C8orf34: variants seen among roughly 807,000 people sequenced by gnomAD.
The protein encoded by C8orf34 is chromosome 8 open reading frame 34.
Under a neutral mutation model 68.3 loss-of-function variants are expected in C8orf34, and 65 were observed. That is an observed-to-expected ratio of 0.95 (90% CI 0.78 to 1.17). The LOEUF (loss-of-function observed/expected upper bound fraction) is 1.17, where lower values mean the gene tolerates loss of function less well. C8orf34 is among the 50% of genes most tolerant of loss of function. The probability of loss-of-function intolerance (pLI) is 0.00; values close to 1 mark genes in which losing one functional copy is unlikely to be tolerated. For missense variants in C8orf34, 664 were observed against 655.4 expected (o/e 1.01, Z -0.14); for synonymous variants, 244 against 241.2 (o/e 1.01, Z -0.11).
intron 10 of C8orf34, among the ~76,000 whole-genome samples, chr8:68,761,586 A>G (rs549679962): frequency 6.6e-6 from 1 of 152,334 alleles, no homozygotes; most frequent in Admixed American, 6.5e-5. Flanking sequence ...TGAAAAATAA[A>G]TAACTTCTTC....
At chr8:68,522,649 T>C (rs1322918365) in intron 6 of C8orf34, among the ~76,000 whole-genome samples, 1 of 152,162 alleles carries the variant, frequency 6.6e-6, no homozygotes, top group East Asian at 1.9e-4. Context: ...ATCTTATTTA[T>C]TGGAAAAACT....
intron 1 of C8orf34, among the ~76,000 whole-genome samples, chr8:68,422,088 G>A (rs1810002824): frequency 1.3e-5 from 2 of 152,090 alleles, no homozygotes; most frequent in Non-Finnish European, 2.9e-5. Context: ...ATTTGGGTGG[G>A]GACACAGAGC....
At chr8:68,725,728 G>A (rs1273694272) in intron 10 of C8orf34, among the ~76,000 whole-genome samples, 1 of 152,076 alleles carries the variant, frequency 6.6e-6, no homozygotes, top group Non-Finnish European at 1.5e-5. Context: ...GACAGGGCAG[G>A]ACAAAAACTC....
At chr8:68,710,608 C>T (rs949413551) in intron 9 of C8orf34, among the ~76,000 whole-genome samples, 2 of 152,146 alleles carry the variant, frequency 1.3e-5, no homozygotes, top group African/African-American at 4.8e-5. Context: ...CCCCATCCAC[C>T]ACAGCAGAAA....
chr8:68,355,232 C>T (rs1382954957), intron 1 of C8orf34, among the ~76,000 whole-genome samples: 1 of 152,012 alleles, frequency 6.6e-6, no homozygotes, highest in East Asian at 1.9e-4. Context: ...GTATAACCCC[C>T]CTGCCCCACC....
intron 2 of C8orf34, among the ~76,000 whole-genome samples, chr8:68,443,857 T>G (rs1282138449): frequency 3.9e-5 from 6 of 152,206 alleles, no homozygotes; most frequent in Non-Finnish European, 8.8e-5. Context: ...GTCTATCATT[T>G]AATATTGTGG....
At chr8:68,634,182 G>A (rs1387626829) in intron 7 of C8orf34, among the ~76,000 whole-genome samples, 1 of 152,140 alleles carries the variant, frequency 6.6e-6, no homozygotes, top group Non-Finnish European at 1.5e-5. Context: ...TTTTGTCCTT[G>A]ATGATAAGAA....
chr8:68,654,207 A>C (rs1166671125), intron 8 of C8orf34, among the ~76,000 whole-genome samples: 2 of 152,112 alleles, frequency 1.3e-5, no homozygotes, highest in African/African-American at 2.4e-5. Flanking sequence ...TCTATAAGGA[A>C]CAGAACATCA....
intron 8 of C8orf34, among the ~76,000 whole-genome samples, chr8:68,671,999 A>G (rs1820026933): frequency 6.6e-6 from 1 of 152,218 alleles, no homozygotes; most frequent in South Asian, 2.1e-4. Context: ...AGACAGATTA[A>G]CAAGAGGAAA....
rs192977161 is a variant in C8orf34 at position 68,498,325 on chromosome 8, T to A, written c.765+10274T>A. On this transcript the variant is annotated intron_variant, in intron 5 of 13. Coordinates refer to ENST00000518698, the MANE Select transcript of C8orf34 (RefSeq NM_052958.4). ...ATAGAAGCTTGCCCTCTTAGAATTTTGAATATTTGACTTTGGAACAACTTA... is the reference window on the plus strand; with the variant it reads ...ATAGAAGCTTGCCCTCTTAGAATTTAGAATATTTGACTTTGGAACAACTTA... 1.2e-3 allele frequency among the ~76,000 whole-genome samples: 180 copies of A among 152,350 alleles called. 6 individuals carry two copies. Among genetic ancestry groups the A allele is most frequent in the South Asian group, 3.7e-3 (18 of 4,826 alleles).
At chr8:68,533,308 T>A in intron 7 of C8orf34, 159 bp downstream of exon 7, 1 of 1,376,936 alleles carries the variant, frequency 7.3e-7, no homozygotes, top group Non-Finnish European at 9.3e-7. Context: ...TAAAGTTGCA[T>A]GTAAGAACTA....
At chr8:68,701,526 C>T (rs980564592) in intron 8 of C8orf34, among the ~76,000 whole-genome samples, 8 of 151,454 alleles carry the variant, frequency 5.3e-5, no homozygotes, top group Admixed American at 2.0e-4. Context: ...TTTTTTTCCC[C>T]GCTCTTTCAC....
chr8:68,714,395 A>G (rs1436462421), intron 9 of C8orf34, among the ~76,000 whole-genome samples: 1 of 152,150 alleles, frequency 6.6e-6, no homozygotes, highest in Non-Finnish European at 1.5e-5. Context: ...CTCATCCAAA[A>G]AGCTCCTAGA....
At chr8:68,474,762 G>A (rs1812530222) in intron 4 of C8orf34, among the ~76,000 whole-genome samples, 1 of 152,232 alleles carries the variant, frequency 6.6e-6, no homozygotes, top group Admixed American at 6.5e-5. Flanking sequence ...GAAAGAGCCT[G>A]TAAAAGATCA....
intron 1 of C8orf34, among the ~76,000 whole-genome samples, chr8:68,422,560 A>G (rs1350868337): frequency 6.6e-6 from 1 of 152,130 alleles, no homozygotes; most frequent in African/African-American, 2.4e-5. Context: ...AGCTGCTTTC[A>G]CAGGCTGGTG....
At position 68,721,386 on chromosome 8, in the gene C8orf34, A is replaced by G. The variant is rs145269861; in HGVS notation, c.1353A>G (p.Ala451=). 371 of 1,609,128 alleles carry G rather than the reference A, an allele frequency of 2.3e-4. 1 individual carries two copies. The highest frequency in any genetic ancestry group is 2.2e-3 in the Admixed American group (133 of 59,932). Residue 451 remains alanine (A), a synonymous_variant, in exon 10 of 14, where the codon GCA becomes GCG. Coordinates refer to ENST00000518698, the MANE Select transcript of C8orf34 (RefSeq NM_052958.4). ...ATTCCTTGCCTGGGACTGAAGAAGC[A>G]CTAATGGAGGAGGGTGACGAATTTG... is the stretch of plus-strand genomic sequence containing the variant. ...SFDSLPGTEE[A]LMEEGDEFEK...
chr8:68,812,825 A>G (rs904849787), intron 12 of C8orf34, among the ~76,000 whole-genome samples: 17 of 152,186 alleles, frequency 1.1e-4, no homozygotes, highest in African/African-American at 3.1e-4. Flanking sequence ...CTCTATCTTT[A>G]TCTTCTGTTT....
At chr8:68,426,175 A>G (rs1394151576) in intron 1 of C8orf34, among the ~76,000 whole-genome samples, 1 of 152,176 alleles carries the variant, frequency 6.6e-6, no homozygotes, top group Non-Finnish European at 1.5e-5. Context: ...ATTGATAAAT[A>G]AGACCACATC....
At chr8:68,394,273 G>A (rs1808599251) in intron 1 of C8orf34, among the ~76,000 whole-genome samples, 1 of 127,658 alleles carries the variant, frequency 7.8e-6, no homozygotes, top group African/African-American at 3.0e-5. Context: ...AGAGTGTGAT[G>A]TTCCCCTTCC....
Sources: allele counts gnomAD v4.1 joint callset (sites outside exome capture counted in the v4.1 genomes callset), GRCh38; gene constraint gnomAD v4.1.1; transcripts MANE v1.5; gene names NCBI Gene and HGNC (gene_info 2026-07-23, HGNC 2026-07-21).